Variants in ADARB2 observed in about 807,000 individuals in gnomAD.
The protein encoded by ADARB2 is adenosine deaminase RNA specific B2 (inactive), also known as inactive double-stranded RNA-specific editase B2.
A neutral mutation model predicts 62.2 loss-of-function variants in ADARB2; 25 were observed. The observed-to-expected ratio is 0.40, with a 90% CI of 0.29 to 0.56. The LOEUF (loss-of-function observed/expected upper bound fraction) is 0.56. Ranked by LOEUF, ADARB2 falls within the 20% of genes least tolerant of loss-of-function variation. ADARB2 has a pLI of 0.43. For synonymous variants in ADARB2, 572 were observed against 500.8 expected (o/e 1.14, Z -1.90); for missense variants, 1,071 against 1,077.4 (o/e 0.99, Z 0.08).
chr10:1,530,003 C>T (rs1480040771), intron 1 of ADARB2, among the ~76,000 whole-genome samples: 2 of 151,586 alleles, frequency 1.3e-5, no homozygotes, highest in Non-Finnish European at 3.0e-5. Context: ...CACCCGTCAA[C>T]TGTCCCTGTC....
intron 1 of ADARB2, among the ~76,000 whole-genome samples, chr10:1,473,868 C>T (rs1831359364): frequency 6.7e-6 from 1 of 148,298 alleles, no homozygotes; most frequent in African/African-American, 2.5e-5. Flanking sequence ...AGAGAACAAA[C>T]CTTTGTGGTG....
At chr10:1,364,393 G>C (rs1035637649) in intron 2 of ADARB2, among the ~76,000 whole-genome samples, 1 of 152,206 alleles carries the variant, frequency 6.6e-6, no homozygotes, top group Non-Finnish European at 1.5e-5. Context: ...GCTAGAGGCA[G>C]ACAGGTGGTG....
At chr10:1,679,441 A>G (rs965969143) in intron 1 of ADARB2, among the ~76,000 whole-genome samples, 7 of 152,140 alleles carry the variant, frequency 4.6e-5, no homozygotes, top group Non-Finnish European at 1.0e-4. Flanking sequence ...GCATAAATGG[A>G]ATTAGTAATG....
At chr10:1,431,766 A>C (rs79849781) in intron 1 of ADARB2, among the ~76,000 whole-genome samples, 13,422 of 152,252 alleles carry the variant, frequency 0.088, 634 homozygotes, top group South Asian at 0.19. Context: ...GGAATGAAAT[A>C]GGTGCTATTA....
chr10:1,354,827 G>A (rs1490956599), intron 3 of ADARB2, among the ~76,000 whole-genome samples: 4 of 152,202 alleles, frequency 2.6e-5, no homozygotes, highest in South Asian at 2.1e-4. Context: ...AAGGAAGGGG[G>A]CTCAGCCATC....
intron 3 of ADARB2, among the ~76,000 whole-genome samples, chr10:1,316,745 GTCTT>G (rs1227512843): frequency 4.6e-5 from 7 of 152,296 alleles, no homozygotes; most frequent in Non-Finnish European, 1.0e-4. Context: ...TGCTTTCAAA[GTCTT>G]TATTTTGCAT....
At chr10:1,731,740 C>A (rs192103554) in intron 1 of ADARB2, among the ~76,000 whole-genome samples, 1 of 152,304 alleles carries the variant, frequency 6.6e-6, no homozygotes, top group East Asian at 1.9e-4. Flanking sequence ...CGGCCACACA[C>A]CAGGCAGAGT....
intron 1 of ADARB2, among the ~76,000 whole-genome samples, chr10:1,456,952 G>A (rs929348727): frequency 2.0e-5 from 3 of 152,042 alleles, no homozygotes; most frequent in Non-Finnish European, 2.9e-5. Flanking sequence ...GCGCCACCAC[G>A]CCTGGCTAAT....
intron 1 of ADARB2, among the ~76,000 whole-genome samples, chr10:1,615,035 A>G (rs532244931): frequency 1.6e-4 from 25 of 152,276 alleles, no homozygotes; most frequent in African/African-American, 5.8e-4. Context: ...ACCTCGGTCT[A>G]CTGAGAAGTG....
intron 3 of ADARB2, among the ~76,000 whole-genome samples, chr10:1,277,822 T>C (rs1831332622): frequency 1.3e-5 from 2 of 152,208 alleles, no homozygotes; most frequent in South Asian, 4.1e-4. Flanking sequence ...TTTAGACCAA[T>C]ATCCCTGATG....
At chr10:1,632,762 C>T (rs541173180) in intron 1 of ADARB2, among the ~76,000 whole-genome samples, 3 of 152,372 alleles carry the variant, frequency 2.0e-5, no homozygotes, top group African/African-American at 7.2e-5. Context: ...CGAAGAACCA[C>T]TCCCATCTGC....
chr10:1,279,304 ATTTG>A (rs59793564), intron 3 of ADARB2, among the ~76,000 whole-genome samples: 9,487 of 151,978 alleles, frequency 0.062, 987 homozygotes, highest in African/African-American at 0.22. Flanking sequence ...CCATGGCATC[ATTTG>A]TTTGTTTGTT....
chr10:1,381,565 C>T (rs1327782190), intron 1 of ADARB2, among the ~76,000 whole-genome samples: 1 of 152,154 alleles, frequency 6.6e-6, no homozygotes, highest in Non-Finnish European at 1.5e-5. Flanking sequence ...GCATCGTGCA[C>T]CAGAGCCCAG....
intron 1 of ADARB2, among the ~76,000 whole-genome samples, chr10:1,592,103 T>C (rs1833264636): frequency 6.6e-6 from 1 of 152,210 alleles, no homozygotes. Flanking sequence ...CAAGATCTTG[T>C]TTAGGAAGGT....
At chr10:1,572,812 T>C (rs1832958756) in intron 1 of ADARB2, among the ~76,000 whole-genome samples, 1 of 152,210 alleles carries the variant, frequency 6.6e-6, no homozygotes, top group Non-Finnish European at 1.5e-5. Context: ...GGACTTCCCC[T>C]GCGTGGACAT....
At chr10:1,618,408 T>G (rs1268290647) in intron 1 of ADARB2, among the ~76,000 whole-genome samples, 2 of 152,238 alleles carry the variant, frequency 1.3e-5, no homozygotes, top group Admixed American at 1.3e-4. Context: ...ATGAGAAGAT[T>G]CTACCAACCC....
intron 1 of ADARB2, among the ~76,000 whole-genome samples, chr10:1,381,023 A>G (rs143458132): frequency 1.4e-4 from 22 of 152,392 alleles, no homozygotes; most frequent in African/African-American, 5.3e-4. Flanking sequence ...TAGATCCATC[A>G]AAGTTGTTAC....
At position 1,217,591 on chromosome 10, in the gene ADARB2, A is replaced by G. The variant is rs140034218; in HGVS notation, c.1514-472T>C. 1.1e-4 allele frequency among the ~76,000 whole-genome samples: 17 copies of G among 152,328 alleles called. 1 individual carries two copies. Among genetic ancestry groups the G allele is most frequent in the African/African-American group, 3.8e-4 (16 of 41,566 alleles). The stretch of plus-strand genomic sequence containing the variant: ...TATGCTTAGCTGGAGGGCTGTGCAG[A>G]AATAGGTGGTGAGTGGGACTCAGCT... On this transcript the variant is annotated intron_variant, in intron 6 of 9. Transcript: ENST00000381312.
intron 1 of ADARB2, among the ~76,000 whole-genome samples, chr10:1,684,053 T>G (rs1051101167): frequency 6.6e-6 from 1 of 152,230 alleles, no homozygotes; most frequent in Non-Finnish European, 1.5e-5. Context: ...AAGACCCTCT[T>G]CAGGGAGTGA....
Sources: gnomAD v4.1 joint callset for allele counts (sites outside exome capture counted in the v4.1 genomes callset) on GRCh38, gnomAD v4.1.1 for gene constraint, MANE v1.5 for transcripts, NCBI Gene and HGNC (gene_info 2026-07-23, HGNC 2026-07-21) for gene names.